The following PLXNA2 variants were observed in gnomAD, a reference collection of about 807,000 sequenced individuals.
The protein encoded by PLXNA2 is plexin A2.
Under a neutral mutation model 193.5 loss-of-function variants are expected in PLXNA2, and 91 were observed. The ratio of observed to expected loss-of-function variants is 0.47; its 90% CI spans 0.40 to 0.56. PLXNA2 has a LOEUF of 0.56. Among genes scored for constraint, PLXNA2 ranks in the 20% least tolerant of loss-of-function variants. The pLI is 0.00. For missense variants in PLXNA2, 1,995 were observed against 2,503.2 expected (o/e 0.80, Z 4.33); for synonymous variants, 997 against 1,027.3 (o/e 0.97, Z 0.56).
At chr1:208,134,707 GC>G (rs758556367) in intron 4 of PLXNA2, among the ~76,000 whole-genome samples, 2 of 152,056 alleles carry the variant, frequency 1.3e-5, no homozygotes, top group Non-Finnish European at 2.9e-5. Context: ...CTGAGTCCTT[GC>G]CCGCCTTGTA....
At position 208,124,244 on chromosome 1, in the gene PLXNA2, G is replaced by A. The variant is rs572705013; in HGVS notation, c.1506+18085C>T. Among the ~76,000 whole-genome samples, 8 of 152,178 alleles carry A rather than the reference G, an allele frequency of 5.3e-5. No individual in the cohort carries two copies. In the East Asian group the frequency reaches 1.4e-3, roughly 26 times the overall value. ...GGGTGGAGGGAGGGAAGGGGGAGAG[G>A]AGCAGAAAAAACAACTATTGGGTAC... is the stretch of plus-strand genomic sequence containing the variant. On this transcript the variant is annotated intron_variant, in intron 4 of 31. Coordinates refer to ENST00000367033, the MANE Select transcript of PLXNA2 (RefSeq NM_025179.4).
Position 208,073,955 on chromosome 1 carries a change from C to A in PLXNA2, c.2586+5305G>T, listed in dbSNP as rs184314671. Among the ~76,000 whole-genome samples, 10 of 152,304 alleles carry A rather than the reference C, an allele frequency of 6.6e-5. No individual in the cohort carries two copies. In the East Asian group the frequency reaches 1.9e-3, roughly 29 times the overall value. ...GCTCAGAAGGAACCCACGCTGCTGA[C>A]ACCTTGATCTTGAAGTTCAGACCTC... On this transcript the variant is annotated intron_variant, in intron 12 of 31. Coordinates refer to ENST00000367033, the MANE Select transcript of PLXNA2 (RefSeq NM_025179.4).
At chr1:208,030,830 G>A (rs949869558) in intron 29 of PLXNA2, 28 of 985,396 alleles carry the variant, frequency 2.8e-5, no homozygotes, top group Middle Eastern at 5.2e-4. Context: ...GCTCTTGGCC[G>A]GGTCCTGTCT....
chr1:208,147,660 GGA>G (rs1668640547), intron 3 of PLXNA2, among the ~76,000 whole-genome samples: 1 of 152,188 alleles, frequency 6.6e-6, no homozygotes, highest in Admixed American at 6.5e-5. Context: ...CAGAGGCACA[GGA>G]GAGTTAGGCA....
intron 12 of PLXNA2, among the ~76,000 whole-genome samples, chr1:208,063,811 G>A (rs559882707): frequency 1.3e-5 from 2 of 152,152 alleles, no homozygotes; most frequent in African/African-American, 4.8e-5. Flanking sequence ...AGATGAAGTG[G>A]TGATTATTTG....
chr1:208,060,555 T>G, intron 13 of PLXNA2, 131 bp downstream of exon 13: 1 of 897,928 alleles, frequency 1.1e-6, no homozygotes, highest in Non-Finnish European at 1.7e-6. Flanking sequence ...GGGAGGCTTC[T>G]GGGGCAGGTC....
At chr1:208,115,041 A>G (rs1667595881) in intron 4 of PLXNA2, among the ~76,000 whole-genome samples, 1 of 152,204 alleles carries the variant, frequency 6.6e-6, no homozygotes, top group South Asian at 2.1e-4. Flanking sequence ...AGGTGGTGAT[A>G]TGAGGCAGGA....
rs34457681 is a variant in PLXNA2 at position 208,038,879 on chromosome 1, C to T, written c.4606G>A (p.Val1536Met). The T allele has an allele frequency of 0.024, 38,341 of 1,613,990 alleles. 560 individuals carry two copies. Among genetic ancestry groups the T allele is most frequent in the Non-Finnish European group, 0.028 (32,911 of 1,179,916 alleles). ...TQVKEKILDA[V>M]YKNVPYSQRP... ...TGGGAATAGGGCACATTCTTATACA[C>T]GGCATCAAGAATCTTCTCCTTGACC... is the stretch of plus-strand genomic sequence containing the variant. Residue 1536 changes from valine (V) to methionine (M), a missense_variant, in exon 25 of 32, where the codon GTG (valine) becomes ATG (methionine). Around this residue, in one of 3 missense-constraint regions of PLXNA2, gnomAD observed 1,291 missense variants for 1,673.6 expected, o/e 0.77. Coordinates refer to ENST00000367033, the MANE Select transcript of PLXNA2 (RefSeq NM_025179.4). This position sits in a 1 kb window ranked among gnomAD's most constrained non-coding sequence, Gnocchi z 4.1.
intron 13 of PLXNA2, among the ~76,000 whole-genome samples, chr1:208,056,919 CTA>C (rs1277717682): frequency 6.6e-6 from 1 of 152,172 alleles, no homozygotes; most frequent in Non-Finnish European, 1.5e-5. Context: ...CAGACAAACT[CTA>C]ATCTCCTCAA....
At chr1:208,059,690 A>G (rs1665554376) in intron 13 of PLXNA2, among the ~76,000 whole-genome samples, 1 of 152,208 alleles carries the variant, frequency 6.6e-6, no homozygotes, top group African/African-American at 2.4e-5. Flanking sequence ...ACTTCTCATG[A>G]GTCCTTTGCT....
chr1:208,161,174 AC>A (rs984867839), intron 3 of PLXNA2, among the ~76,000 whole-genome samples: 10 of 152,122 alleles, frequency 6.6e-5, no homozygotes, highest in Admixed American at 5.2e-4. Flanking sequence ...GCTTCAGAAA[AC>A]CAGTCTGGAA....
At chr1:208,103,357 A>G (rs1177840281) in intron 4 of PLXNA2, 110 bp from the exon 5 acceptor site, 4 of 791,854 alleles carry the variant, frequency 5.1e-6, no homozygotes, top group Non-Finnish European at 7.9e-6. Flanking sequence ...TCCCCTAAAG[A>G]GGTGATACTG....
chr1:208,138,607 G>T (rs1335358577), intron 4 of PLXNA2, among the ~76,000 whole-genome samples: 6 of 152,202 alleles, frequency 3.9e-5, no homozygotes, highest in Non-Finnish European at 8.8e-5. Context: ...TATGCTGACC[G>T]GGCGCAGTGG....
chr1:208,174,658 A>G (rs1571997737), intron 3 of PLXNA2, among the ~76,000 whole-genome samples: 1 of 152,120 alleles, frequency 6.6e-6, no homozygotes, highest in Non-Finnish European at 1.5e-5. Context: ...TGGTCCATGC[A>G]CCAGGGCCAC....
At chr1:208,080,976 G>C (rs1022251502) in intron 11 of PLXNA2, among the ~76,000 whole-genome samples, 1 of 152,304 alleles carries the variant, frequency 6.6e-6, no homozygotes, top group South Asian at 2.1e-4. Context: ...ATGCGCAGCC[G>C]GCAGAGACAC....
At chr1:208,093,015 G>A in intron 8 of PLXNA2, 115 bp from the exon 9 acceptor site, 1 of 667,928 alleles carries the variant, frequency 1.5e-6, no homozygotes, top group East Asian at 2.8e-5. Flanking sequence ...TTCTCAGGAG[G>A]GAAGACTGGT....
Position 208,042,340 on chromosome 1 carries a change from C to T in PLXNA2, c.4044G>A (p.Val1348=), listed in dbSNP as rs568915459. The T allele has an allele frequency of 6.2e-7, 1 of 1,614,042 alleles. No individual in the cohort carries two copies. The highest frequency in any genetic ancestry group is 2.2e-5 in the East Asian group (1 of 44,872). ...LEVQGNGQQH[V]EKALKLFAQL... ...GGGCAAAGAGCTTCAGGGCCTTCTC[C>T]ACGTGCTGCTGCCCGTTTCCTTGTA... Residue 1348 remains valine (V), a synonymous_variant, in exon 22 of 32, where the codon GTG becomes GTA. Coordinates refer to ENST00000367033, the MANE Select transcript of PLXNA2 (RefSeq NM_025179.4).
intron 5 of PLXNA2, among the ~76,000 whole-genome samples, chr1:208,099,819 T>A (rs1464748681): frequency 6.6e-6 from 1 of 151,972 alleles, no homozygotes; most frequent in Non-Finnish European, 1.5e-5. Context: ...TCCACCTGCG[T>A]CAGTCTCCCA....
At chr1:208,089,758 G>A (rs557593033) in intron 9 of PLXNA2, among the ~76,000 whole-genome samples, 1 of 152,248 alleles carries the variant, frequency 6.6e-6, no homozygotes, top group South Asian at 2.1e-4. Context: ...ATTCAAAGTT[G>A]GGAAGGGAGG....
Sources: gnomAD v4.1 joint callset for allele counts (sites outside exome capture counted in the v4.1 genomes callset) on GRCh38, gnomAD v4.1.1 for gene constraint, gnomAD v4.1.1 regional missense constraint, Gnocchi (gnomAD v3.1) non-coding constraint, MANE v1.5 for transcripts, NCBI Gene and HGNC (gene_info 2026-07-23, HGNC 2026-07-21) for gene names.